Variants in UBE4B observed in about 807,000 individuals in gnomAD.
UBE4B encodes ubiquitination factor E4B, also known as ubiquitin conjugation factor E4 B.
A neutral mutation model predicts 148.1 loss-of-function variants in UBE4B; 27 were observed. The observed-to-expected ratio is 0.18, with a 90% CI of 0.13 to 0.25. The LOEUF is 0.25. UBE4B is among the 10% of genes least tolerant of loss of function. The probability of loss-of-function intolerance (pLI) is 1.00; values close to 1 mark genes in which losing one functional copy is unlikely to be tolerated. For synonymous variants in UBE4B, 596 were observed against 619.3 expected (o/e 0.96, Z 0.56); for missense variants, 1,170 against 1,662.4 (o/e 0.70, Z 5.15).
chr1:10,054,043 G>T (rs566184531), intron 1 of UBE4B, among the ~76,000 whole-genome samples: 1 of 151,362 alleles, frequency 6.6e-6, no homozygotes, highest in African/African-American at 2.4e-5. Flanking sequence ...TTGTTGTTGG[G>T]GTAGTAATTA....
intron 7 of UBE4B, among the ~76,000 whole-genome samples, chr1:10,113,784 C>T (rs890361029): frequency 4.6e-5 from 7 of 151,938 alleles, no homozygotes; most frequent in East Asian, 1.9e-4. Context: ...AGATGCTTTT[C>T]GGCCGGACGC....
chr1:10,175,564 T>A (rs1181599215), intron 25 of UBE4B, among the ~76,000 whole-genome samples: 1 of 151,866 alleles, frequency 6.6e-6, no homozygotes, highest in Non-Finnish European at 1.5e-5. Context: ...GGCAGGAGAA[T>A]GGCGTGAACC....
chr1:10,089,701 AT>A (rs113644846), intron 2 of UBE4B, among the ~76,000 whole-genome samples: 12,259 of 142,062 alleles, frequency 0.086, 857 homozygotes, highest in African/African-American at 0.23. Context: ...TACTTTTGTA[AT>A]TTTTTTTTTT....
At chr1:10,100,102 G>A (rs566310939) in intron 3 of UBE4B, among the ~76,000 whole-genome samples, 3 of 151,794 alleles carry the variant, frequency 2.0e-5, no homozygotes, top group African/African-American at 7.3e-5. Context: ...CCATTCTCCC[G>A]CCTCGGCCTC....
intron 17 of UBE4B, among the ~76,000 whole-genome samples, chr1:10,138,621 A>G (rs1427350926): frequency 6.6e-6 from 1 of 152,104 alleles, no homozygotes; most frequent in African/African-American, 2.4e-5. Context: ...AATGATGACA[A>G]TTTTATTTCT....
intron 2 of UBE4B, among the ~76,000 whole-genome samples, chr1:10,090,292 G>T (rs1262005953): frequency 6.6e-6 from 1 of 152,038 alleles, no homozygotes; most frequent in Non-Finnish European, 1.5e-5. Context: ...GCTCATTTTT[G>T]TATTTTTCAT....
At position 10,097,052 on chromosome 1, in the gene UBE4B, A is replaced by AT. The variant is rs1553143705; in HGVS notation, c.347+1456_347+1457insT. Among the ~76,000 whole-genome samples the AT allele has an allele frequency of 2.9e-3, 396 of 138,502 alleles. 2 individuals carry two copies. Among genetic ancestry groups the AT allele is most frequent in the East Asian group, 5.9e-3 (28 of 4,728 alleles). 90.9% of individuals were successfully genotyped at this position (138,502 alleles called of 152,430 possible). ...AGACTCTGCATCAAAAAAAAAAAAAAAATAATAATAATAATAATAACCAAA... is the reference window on the plus strand; with the variant it reads ...AGACTCTGCATCAAAAAAAAAAAAAATAATAATAATAATAATAATAACCAAA... On this transcript the variant is annotated intron_variant, in intron 3 of 27. Coordinates refer to ENST00000343090, the MANE Select transcript of UBE4B (RefSeq NM_001105562.3).
rs142096652 is a variant in UBE4B, at chr1:10,126,871, C to G, written c.1632C>G (p.Pro544=). ...CSLDSDYFKY[P]LMALGELCET... The stretch of plus-strand genomic sequence containing the variant: ...TCGACAGTGACTACTTTAAATACCC[C>G]CTCATGGTAAAACTTTGTTCTTTTT... Residue 544 remains proline (P), a synonymous_variant, in exon 11 of 28, where the codon CCC becomes CCG. Transcript: ENST00000343090. 1.5e-5 allele frequency: 24 copies of G among 1,613,352 alleles called. No homozygotes were observed. Among genetic ancestry groups the G allele is most frequent in the Admixed American group, 8.3e-5 (5 of 59,978 alleles).
At chr1:10,080,814 A>G (rs1275801393) in intron 2 of UBE4B, among the ~76,000 whole-genome samples, 1 of 152,218 alleles carries the variant, frequency 6.6e-6, no homozygotes, top group Non-Finnish European at 1.5e-5. Context: ...AGGCACAGAA[A>G]GGCAAATATT....
At chr1:10,053,824 T>G (rs1644104136) in intron 1 of UBE4B, among the ~76,000 whole-genome samples, 1 of 152,110 alleles carries the variant, frequency 6.6e-6, no homozygotes, top group African/African-American at 2.4e-5. Flanking sequence ...TAAGTATCTG[T>G]GACCACAGGT....
At chr1:10,040,051 G>A (rs935409496) in intron 1 of UBE4B, among the ~76,000 whole-genome samples, 12 of 152,090 alleles carry the variant, frequency 7.9e-5, no homozygotes, top group Admixed American at 1.3e-4. Context: ...TTCTAGCTAT[G>A]GAGAAGGATA....
chr1:10,115,162 T>TA (rs982066112), intron 7 of UBE4B, among the ~76,000 whole-genome samples: 1 of 148,750 alleles, frequency 6.7e-6, no homozygotes, highest in African/African-American at 2.5e-5. Context: ...TTTAATACCA[T>TA]ACTTTTTTTT....
In UBE4B at chr1:10,033,303, G is replaced by A. The variant is rs998886450; in HGVS notation, c.-368G>A. 1.0e-5 allele frequency: 2 copies of A among 192,942 alleles called. No individual in the cohort carries two copies. Among genetic ancestry groups the A allele is most frequent in the African/African-American group, 4.6e-5 (2 of 43,186 alleles). The allele number at this position is 192,942 out of a possible 1,614,324, so 12.0% of individuals were successfully genotyped here. A position where few individuals can be genotyped will look rare whatever the true frequency, so the allele number is the denominator to read the frequency against. On this transcript the variant is annotated 5_prime_UTR_variant, in exon 1 of 28. Coordinates refer to ENST00000343090, the MANE Select transcript of UBE4B (RefSeq NM_001105562.3). ...AACGCAGCTACCGCGCCACTATCACGAAGAAACAGCAGGCTCGGGGCACGA... is the reference window on the plus strand; with the variant it reads ...AACGCAGCTACCGCGCCACTATCACAAAGAAACAGCAGGCTCGGGGCACGA...
chr1:10,145,693 C>T (rs568590885), intron 18 of UBE4B: 7 of 152,332 alleles, frequency 4.6e-5, no homozygotes, highest in Admixed American at 4.6e-4. Context: ...CTCGCCCCAA[C>T]ACTCATCCAG....
intron 7 of UBE4B, chr1:10,107,256 G>T (rs940057417): frequency 3.1e-6 from 4 of 1,289,306 alleles, no homozygotes; most frequent in South Asian, 1.2e-5. Context: ...CCTCTTCCTC[G>T]CACTTTCTGG....
chr1:10,036,499 A>G (rs1643538943), intron 1 of UBE4B, among the ~76,000 whole-genome samples: 1 of 151,936 alleles, frequency 6.6e-6, no homozygotes. Context: ...TAATTTAAAA[A>G]ATCTTTTTTT....
intron 10 of UBE4B, among the ~76,000 whole-genome samples, chr1:10,123,406 G>A (rs1452912444): frequency 6.9e-6 from 1 of 145,394 alleles, no homozygotes; most frequent in East Asian, 2.0e-4. Context: ...TTCCAGCCTG[G>A]GTGACAGAGC....
At chr1:10,171,373 T>C in intron 25 of UBE4B, 44 bp downstream of exon 25, 1 of 1,592,330 alleles carries the variant, frequency 6.3e-7, no homozygotes, top group South Asian at 1.1e-5. Context: ...ACTGGCAGAT[T>C]TGGAGATAAT....
At chr1:10,099,165 C>T (rs1388333744) in intron 3 of UBE4B, among the ~76,000 whole-genome samples, 1 of 152,102 alleles carries the variant, frequency 6.6e-6, no homozygotes, top group South Asian at 2.1e-4. Context: ...TTGCTTGAAC[C>T]TGGGAGGCAG....
Sources: allele counts gnomAD v4.1 joint callset (sites outside exome capture counted in the v4.1 genomes callset), GRCh38; gene constraint gnomAD v4.1.1; transcripts MANE v1.5; gene names NCBI Gene and HGNC (gene_info 2026-07-23, HGNC 2026-07-21).